The following AGFG1 variants were observed in gnomAD, a reference collection of about 807,000 sequenced individuals.
AGFG1 encodes the protein arf-GAP domain and FG repeat-containing protein 1.
AGFG1 carries 10 observed loss-of-function variants against 60.6 expected under a neutral mutation model. The observed-to-expected ratio is 0.16, with a 90% CI of 0.10 to 0.28. The LOEUF (loss-of-function observed/expected upper bound fraction) is 0.28, where lower values mean the gene tolerates loss of function less well. Among genes scored for constraint, AGFG1 ranks in the 10% least tolerant of loss-of-function variants. The pLI, the probability that AGFG1 is intolerant of heterozygous loss-of-function variation, is 1.00. For synonymous variants in AGFG1, 247 were observed against 242.9 expected (o/e 1.02, Z -0.16); for missense variants, 537 against 676.5 (o/e 0.79, Z 2.29).
intron 2 of AGFG1, among the ~76,000 whole-genome samples, chr2:227,509,692 T>G (rs997470348): frequency 4.6e-5 from 7 of 152,064 alleles, no homozygotes. Flanking sequence ...ACTATCAACT[T>G]TTCTGTAAAA....
In AGFG1 at chr2:227,546,301, A is replaced by T. The variant is rs1456870859; in HGVS notation, c.1379-5658A>T. ...TGGGACCTGCTGAGCCAGGCGCGGG[A>T]TATAATCTTCTGGTGTGCCGTTTGC... On this transcript the variant is annotated intron_variant, in intron 10 of 12. Transcript: ENST00000310078. Among the ~76,000 whole-genome samples, 5 of 152,160 alleles carry T rather than the reference A, an allele frequency of 3.3e-5. No homozygotes were observed. The South Asian group carries it at 8.3e-4, about 25-fold the overall frequency.
chr2:227,514,732 G>T (rs1324295744), intron 2 of AGFG1, among the ~76,000 whole-genome samples: 1 of 152,086 alleles, frequency 6.6e-6, no homozygotes, highest in Non-Finnish European at 1.5e-5. Flanking sequence ...AATTAGAATT[G>T]ATTATTCACC....
intron 2 of AGFG1, among the ~76,000 whole-genome samples, chr2:227,494,403 A>T (rs1447165867): frequency 6.6e-6 from 1 of 152,216 alleles, no homozygotes; most frequent in Non-Finnish European, 1.5e-5. Flanking sequence ...ATATTCAGTC[A>T]CATAAGTTTT....
At chr2:227,526,703 C>T (rs532016203) in intron 5 of AGFG1, among the ~76,000 whole-genome samples, 5 of 149,280 alleles carry the variant, frequency 3.3e-5, no homozygotes, top group South Asian at 4.3e-4. Flanking sequence ...CCACCACTCC[C>T]GGCTGTTTTT....
chr2:227,475,658 G>A (rs369643947), intron 1 of AGFG1, among the ~76,000 whole-genome samples: 2 of 152,130 alleles, frequency 1.3e-5, no homozygotes, highest in South Asian at 2.1e-4. Flanking sequence ...TACTAGCTTC[G>A]TGGCTTAGGG....
intron 2 of AGFG1, among the ~76,000 whole-genome samples, chr2:227,492,394 G>A (rs1575070201): frequency 6.6e-6 from 1 of 151,972 alleles, no homozygotes. Flanking sequence ...TGACAGAAAA[G>A]TCTCCTTTTC....
intron 3 of AGFG1, 53 bp from the exon 4 acceptor site, chr2:227,523,710 G>A: frequency 6.6e-7 from 1 of 1,520,066 alleles, no homozygotes; most frequent in South Asian, 1.2e-5. Context: ...ATCATTTTTT[G>A]ATATAGAATT....
At chr2:227,486,633 T>C (rs542344468) in intron 1 of AGFG1, among the ~76,000 whole-genome samples, 1 of 152,228 alleles carries the variant, frequency 6.6e-6, no homozygotes, top group Non-Finnish European at 1.5e-5. Context: ...TTGTTGTTTA[T>C]TGTTTCAGAG....
intron 2 of AGFG1, chr2:227,508,334 T>G: frequency 4.6e-6 from 1 of 216,784 alleles, no homozygotes; most frequent in Non-Finnish European, 9.5e-6. Context: ...CTGGTATTGA[T>G]GATATCCTTA....
intron 1 of AGFG1, among the ~76,000 whole-genome samples, chr2:227,476,233 C>T (rs1238423525): frequency 6.6e-6 from 1 of 152,150 alleles, no homozygotes; most frequent in Admixed American, 6.6e-5. Context: ...TTGTCACTAT[C>T]TTTCACTGTC....
intron 5 of AGFG1, among the ~76,000 whole-genome samples, chr2:227,527,732 T>G (rs1333457562): frequency 6.6e-6 from 1 of 152,238 alleles, no homozygotes; most frequent in Non-Finnish European, 1.5e-5. Flanking sequence ...TTTATAGCTT[T>G]ATTTTGATAA....
At chr2:227,474,569 T>G (rs1690225513) in intron 1 of AGFG1, among the ~76,000 whole-genome samples, 1 of 152,250 alleles carries the variant, frequency 6.6e-6, no homozygotes, top group Non-Finnish European at 1.5e-5. Flanking sequence ...AAATATTTAT[T>G]GCCTACTTGT....
intron 5 of AGFG1, among the ~76,000 whole-genome samples, chr2:227,526,708 G>A (rs757637438): frequency 6.2e-5 from 9 of 146,152 alleles, no homozygotes; most frequent in Non-Finnish European, 1.4e-4. Context: ...ACTCCCGGCT[G>A]TTTTTTGTGT....
chr2:227,521,658 G>A (rs748812779), intron 3 of AGFG1, among the ~76,000 whole-genome samples: 13 of 152,112 alleles, frequency 8.5e-5, no homozygotes, highest in Non-Finnish European at 1.8e-4. Flanking sequence ...TTTCTCAGCC[G>A]TGTTACTTTT....
At chr2:227,545,223 G>T (rs1692609791) in intron 10 of AGFG1, among the ~76,000 whole-genome samples, 1 of 152,036 alleles carries the variant, frequency 6.6e-6, no homozygotes. Flanking sequence ...TTCAGTCACT[G>T]GTACCCTTTC....
intron 5 of AGFG1, among the ~76,000 whole-genome samples, chr2:227,527,178 G>A (rs1692019760): frequency 6.6e-6 from 1 of 152,126 alleles, no homozygotes; most frequent in Non-Finnish European, 1.5e-5. Flanking sequence ...TGGCTTTCTT[G>A]CTTATTATCT....
In AGFG1 at chr2:227,492,880, ACTT is replaced by A. The variant is rs572804274; in HGVS notation, c.261+1241_261+1243del. ...TATTGATTAAAATACAATTTGAACT[ACTT>A]GTGTAAAGTTTACAAGTAGGATTAA... On this transcript the variant is annotated intron_variant, in intron 2 of 12. Coordinates refer to ENST00000310078, the MANE Select transcript of AGFG1 (RefSeq NM_004504.5). Among the ~76,000 whole-genome samples the A allele has an allele frequency of 3.8e-3, 586 of 152,242 alleles. 1 individual carries two copies. The highest frequency in any genetic ancestry group is 6.7e-3 in the Non-Finnish European group (452 of 67,952).
At chr2:227,528,044 G>A (rs971456580) in intron 5 of AGFG1, among the ~76,000 whole-genome samples, 2 of 152,008 alleles carry the variant, frequency 1.3e-5, no homozygotes, top group African/African-American at 4.8e-5. Context: ...ATGATAATAT[G>A]AAGTATATTA....
intron 11 of AGFG1, 59 bp downstream of exon 11, chr2:227,552,176 A>G: frequency 6.3e-7 from 1 of 1,592,566 alleles, no homozygotes; most frequent in Non-Finnish European, 8.6e-7. Context: ...TTATATCATA[A>G]TGTTGTGTGC....
Sources: gnomAD v4.1 joint callset for allele counts (sites outside exome capture counted in the v4.1 genomes callset) on GRCh38, gnomAD v4.1.1 for gene constraint, MANE v1.5 for transcripts, NCBI Gene and HGNC (gene_info 2026-07-23, HGNC 2026-07-21) for gene names.